Variants in GLCE observed in about 807,000 individuals in gnomAD.
GLCE encodes the protein D-glucuronyl C5-epimerase.
Under a neutral mutation model 47.9 loss-of-function variants are expected in GLCE, and 19 were observed. The ratio of observed to expected loss-of-function variants is 0.40; its 90% confidence interval spans 0.28 to 0.58. The LOEUF is 0.58. Ranked by LOEUF, GLCE falls within the 20% of genes least tolerant of loss-of-function variation. The pLI, the probability that GLCE is intolerant of heterozygous loss-of-function variation, is 0.48. For synonymous variants in GLCE, 245 were observed against 263.4 expected, an observed-to-expected ratio of 0.93 and a Z score of 0.68; for missense variants, 556 against 743.3, an observed-to-expected ratio of 0.75 and a Z score of 2.93.
intron 4 of GLCE, among the ~76,000 whole-genome samples, chr15:69,261,991 T>C (rs1209521514): frequency 6.6e-6 from 1 of 152,180 alleles, no homozygotes; most frequent in African/African-American, 2.4e-5. Flanking sequence ...AAGAAGACAA[T>C]GAAATAATTT....
At chr15:69,239,811 T>C (rs958719562) in intron 2 of GLCE, among the ~76,000 whole-genome samples, 34 of 152,186 alleles carry the variant, frequency 2.2e-4, no homozygotes, top group African/African-American at 7.7e-4. Flanking sequence ...TAATCATTAA[T>C]TCTGCCCTTC....
chr15:69,231,604 T>C (rs1220311430), intron 2 of GLCE, among the ~76,000 whole-genome samples: 1 of 151,750 alleles, frequency 6.6e-6, no homozygotes, highest in Non-Finnish European at 1.5e-5. Flanking sequence ...AAAAATCACA[T>C]GTTAAGTGAG....
chr15:69,267,163 A>G (rs913351022), intron 4 of GLCE, among the ~76,000 whole-genome samples: 4 of 152,248 alleles, frequency 2.6e-5, no homozygotes, highest in Admixed American at 2.6e-4. Context: ...CATTAATACT[A>G]TAAATATTCA....
At chr15:69,162,538 G>GT (rs111688440) in intron 1 of GLCE, among the ~76,000 whole-genome samples, 2,193 of 146,242 alleles carry the variant, frequency 0.015, 15 homozygotes, top group Non-Finnish European at 0.018. Flanking sequence ...CTTCGTGTCA[G>GT]TTTTTTTTTT....
At chr15:69,181,196 T>C (rs2051744128) in intron 1 of GLCE, among the ~76,000 whole-genome samples, 3 of 152,142 alleles carry the variant, frequency 2.0e-5, no homozygotes, top group Admixed American at 1.3e-4. Flanking sequence ...TTGGACAAAG[T>C]AAATTTAAGA....
intron 2 of GLCE, among the ~76,000 whole-genome samples, chr15:69,225,065 G>A (rs570703961): frequency 7.9e-5 from 12 of 152,220 alleles, no homozygotes; most frequent in African/African-American, 2.9e-4. Flanking sequence ...TATGCTGGTG[G>A]TTCTATGGCT....
intron 1 of GLCE, among the ~76,000 whole-genome samples, chr15:69,186,144 C>G (rs2051820262): frequency 6.6e-6 from 1 of 152,142 alleles, no homozygotes; most frequent in Admixed American, 6.5e-5. Flanking sequence ...TCCAGAAGCT[C>G]TCTGAACCAG....
At chr15:69,232,991 A>G (rs1321597522) in intron 2 of GLCE, among the ~76,000 whole-genome samples, 2 of 152,216 alleles carry the variant, frequency 1.3e-5, no homozygotes, top group African/African-American at 4.8e-5. Flanking sequence ...CCAAGAATAC[A>G]CAATTGAGAA....
At position 69,262,778 on chromosome 15, in the gene GLCE, G is replaced by A. The variant is rs546692909; in HGVS notation, c.829+1449G>A. Among the ~76,000 whole-genome samples the A allele has an allele frequency of 3.3e-5, 5 of 152,272 alleles. No individual in the cohort carries two copies. The South Asian group carries it at 6.2e-4, about 19-fold the overall frequency. On this transcript the variant is annotated intron_variant, in intron 4 of 4. Coordinates refer to ENST00000261858, the MANE Select transcript of GLCE (RefSeq NM_015554.3). ...ACTCTGTCTCTAACAGCCACTCTGCGAGTGGGACACAGCTGTTCTAAGTTG... is the reference window on the plus strand; with the variant it reads ...ACTCTGTCTCTAACAGCCACTCTGCAAGTGGGACACAGCTGTTCTAAGTTG...
At chr15:69,186,288 G>A (rs771613277) in intron 1 of GLCE, among the ~76,000 whole-genome samples, 24 of 152,146 alleles carry the variant, frequency 1.6e-4, no homozygotes, top group Non-Finnish European at 2.6e-4. Context: ...CTATAGAGCC[G>A]ATAAAAGGAG....
At chr15:69,178,862 A>AG (rs2051710918) in intron 1 of GLCE, among the ~76,000 whole-genome samples, 1 of 152,136 alleles carries the variant, frequency 6.6e-6, no homozygotes, top group Non-Finnish European at 1.5e-5. Flanking sequence ...TATGACTCTT[A>AG]GTAGGGGTCT....
At chr15:69,176,311 C>T (rs1015126378) in intron 1 of GLCE, among the ~76,000 whole-genome samples, 4 of 148,032 alleles carry the variant, frequency 2.7e-5, no homozygotes, top group African/African-American at 9.9e-5. Context: ...GCAACCTCCA[C>T]CTCCTGGGTT....
chr15:69,255,759 T>C (rs372791858), intron 2 of GLCE, 35 bp from the exon 3 acceptor site: 12 of 1,259,176 alleles, frequency 9.5e-6, no homozygotes, highest in African/African-American at 8.9e-5. Context: ...CGGTAGTACA[T>C]CTTTGCATGA....
chr15:69,189,915 C>T (rs529343351), intron 1 of GLCE, among the ~76,000 whole-genome samples: 60 of 152,036 alleles, frequency 3.9e-4, no homozygotes, highest in African/African-American at 1.4e-3. Flanking sequence ...ATTATTTTGT[C>T]ACTCAGGTAT....
chr15:69,175,259 C>T (rs2051645732), intron 1 of GLCE, among the ~76,000 whole-genome samples: 1 of 152,064 alleles, frequency 6.6e-6, no homozygotes, highest in African/African-American at 2.4e-5. Context: ...ATTTTTCCAT[C>T]ATCCTCACAT....
At chr15:69,177,115 G>A (rs909150833) in intron 1 of GLCE, among the ~76,000 whole-genome samples, 7 of 152,032 alleles carry the variant, frequency 4.6e-5, no homozygotes, top group South Asian at 2.1e-4. Context: ...TGCCTCCTGG[G>A]TTCAAGCGAT....
chr15:69,206,858 G>A (rs150327820), intron 1 of GLCE, among the ~76,000 whole-genome samples: 1 of 152,052 alleles, frequency 6.6e-6, no homozygotes, highest in African/African-American at 2.4e-5. Flanking sequence ...CCTTCTCAGA[G>A]GATAGAGCTA....
chr15:69,186,231 G>A (rs2051821672), intron 1 of GLCE, among the ~76,000 whole-genome samples: 2 of 151,986 alleles, frequency 1.3e-5, no homozygotes, highest in African/African-American at 4.8e-5. Context: ...CCTCTCTGGA[G>A]GGTCTTAAGA....
rs752606921 is a variant in GLCE, at chr15:69,268,759, G to A, written c.1369G>A (p.Ala457Thr). ...QGQAISTLVR[A>T]YLLTKDHIFL... ...GCAAGCCATTTCTACATTAGTCAGGGCCTATCTGTTAACAAAAGACCATAT... is the reference window on the plus strand; with the variant it reads ...GCAAGCCATTTCTACATTAGTCAGGACCTATCTGTTAACAAAAGACCATAT... Residue 457 changes from alanine (A) to threonine (T), a missense_variant, in exon 5 of 5, where the codon GCC (alanine) becomes ACC (threonine). Physicochemically the swap from Ala to Thr is moderately conservative, Grantham distance 58. Around this residue, in one of 3 missense-constraint regions of GLCE, gnomAD observed 245 missense variants for 368.1 expected, o/e 0.67. Transcript: ENST00000261858. The A allele has an allele frequency of 6.2e-7, 1 of 1,614,120 alleles. No individual in the cohort carries two copies. Among genetic ancestry groups the A allele is most frequent in the Non-Finnish European group, 8.5e-7 (1 of 1,179,992 alleles).
Sources: gnomAD v4.1 joint callset for allele counts (sites outside exome capture counted in the v4.1 genomes callset) on GRCh38, gnomAD v4.1.1 for gene constraint, gnomAD v4.1.1 regional missense constraint, MANE v1.5 for transcripts, NCBI Gene and HGNC (gene_info 2026-07-23, HGNC 2026-07-21) for gene names.